The following GRM7 variants were observed in gnomAD, a reference collection of about 807,000 sequenced individuals.
The protein encoded by GRM7 is metabotropic glutamate receptor 7.
GRM7 carries 35 observed loss-of-function variants against 84.5 expected under a neutral mutation model. The observed-to-expected ratio is 0.41, with a 90% CI of 0.32 to 0.55. The LOEUF is 0.55. GRM7 is among the 20% of genes least tolerant of loss of function. The pLI is 0.19. For synonymous variants in GRM7, 487 were observed against 455.1 expected, an observed-to-expected ratio of 1.07 and a Z score of -0.89; for missense variants, 1,003 against 1,194.6, an observed-to-expected ratio of 0.84 and a Z score of 2.36.
intron 7 of GRM7, among the ~76,000 whole-genome samples, chr3:7,522,509 G>A (rs1700634364): frequency 6.6e-6 from 1 of 152,058 alleles, no homozygotes; most frequent in Admixed American, 6.6e-5. Flanking sequence ...CCAGAGGTCA[G>A]TTTATGCCTT....
intron 4 of GRM7, among the ~76,000 whole-genome samples, chr3:7,351,826 G>T (rs1215306520): frequency 1.3e-5 from 2 of 151,906 alleles, no homozygotes; most frequent in African/African-American, 2.4e-5. Flanking sequence ...GGGCTCTCAG[G>T]TCTTCAGCCT....
intron 2 of GRM7, among the ~76,000 whole-genome samples, chr3:7,206,032 A>G (rs1696227484): frequency 6.6e-6 from 1 of 152,112 alleles, no homozygotes; most frequent in South Asian, 2.1e-4. Context: ...ATATACACTA[A>G]AGTCTGATAT....
intron 2 of GRM7, among the ~76,000 whole-genome samples, chr3:7,202,117 C>A (rs1446820245): frequency 6.6e-6 from 1 of 151,914 alleles, no homozygotes; most frequent in Non-Finnish European, 1.5e-5. Flanking sequence ...CCAAAAAAGT[C>A]TATAGTCATC....
In GRM7 at chr3:7,298,727, C is replaced by T. The variant is rs1256153789; in HGVS notation, c.780C>T (p.Arg260=). 8 of 1,613,502 alleles carry T rather than the reference C, an allele frequency of 5.0e-6. No homozygotes were observed. The highest frequency in any genetic ancestry group is 6.8e-6 in the Non-Finnish European group (8 of 1,179,480). The change falls in exon 3 of 10, where the codon CGC becomes CGT. Residue 260 remains arginine, a synonymous_variant. Transcript: ENST00000357716. ...IAQSVRIPQE[R]KDRTIDFDRI... Reference sequence around the variant, plus strand: ...AGTCCGTGAGAATCCCCCAGGAACGCAAAGACAGGACCATTGACTTTGATA... The same window carrying T: ...AGTCCGTGAGAATCCCCCAGGAACGTAAAGACAGGACCATTGACTTTGATA...
chr3:7,546,656 AT>A (rs1447325890), intron 7 of GRM7, among the ~76,000 whole-genome samples: 2 of 152,178 alleles, frequency 1.3e-5, no homozygotes, highest in Non-Finnish European at 2.9e-5. Context: ...CTGACTTTGA[AT>A]TAGTCATATT....
intron 4 of GRM7, among the ~76,000 whole-genome samples, chr3:7,391,045 CT>C (rs898582858): frequency 1.4e-5 from 2 of 147,518 alleles, no homozygotes; most frequent in South Asian, 2.1e-4. Context: ...ATTTTTTTTT[CT>C]TTTTTTTTCC....
At chr3:7,247,338 G>A (rs149382500) in intron 2 of GRM7, among the ~76,000 whole-genome samples, 1 of 152,110 alleles carries the variant, frequency 6.6e-6, no homozygotes, top group African/African-American at 2.4e-5. Flanking sequence ...TTGAGAGGCC[G>A]AGGCACAAAG....
chr3:7,303,083 G>A (rs1381635326), intron 3 of GRM7, among the ~76,000 whole-genome samples: 2 of 151,994 alleles, frequency 1.3e-5, no homozygotes, highest in South Asian at 2.1e-4. Context: ...TGGGACTACA[G>A]GTGCCCGCCA....
rs138199545 is a variant in GRM7, at chr3:6,884,894, G to A, written c.519+22987G>A. Among the ~76,000 whole-genome samples, 93 of 152,150 alleles carry A rather than the reference G, an allele frequency of 6.1e-4. 1 individual carries two copies. The East Asian group carries it at 0.014, about 23-fold the overall frequency. On this transcript the variant is annotated intron_variant, in intron 1 of 9. Transcript: ENST00000357716. ...ATTACAGGCGTGAGCCACCGCGCCC[G>A]GCCAGACACAGTTTTCTTCATGTGA...
intron 1 of GRM7, among the ~76,000 whole-genome samples, chr3:7,059,047 A>G (rs900150811): frequency 6.6e-6 from 1 of 151,842 alleles, no homozygotes; most frequent in Non-Finnish European, 1.5e-5. Flanking sequence ...ACGCTAGCAG[A>G]TATTTAAGAA....
intron 1 of GRM7, among the ~76,000 whole-genome samples, chr3:7,010,162 T>C (rs2124892586): frequency 6.6e-6 from 1 of 152,226 alleles, no homozygotes; most frequent in African/African-American, 2.4e-5. Flanking sequence ...GCCGGGCCAG[T>C]AGCTCGGGAC....
chr3:7,708,000 C>CAG (rs1285859667), intron 9 of GRM7, among the ~76,000 whole-genome samples: 14 of 144,952 alleles, frequency 9.7e-5, no homozygotes, highest in African/African-American at 3.6e-4. Context: ...CTTCCAAACT[C>CAG]AGAGACTGAA....
intron 2 of GRM7, among the ~76,000 whole-genome samples, chr3:7,242,315 T>C (rs960114168): frequency 4.6e-5 from 7 of 152,202 alleles, no homozygotes; most frequent in African/African-American, 1.7e-4. Flanking sequence ...TGGTTGAGTG[T>C]AATGTAGCAA....
chr3:7,432,237 T>G (rs1432087895), intron 5 of GRM7, among the ~76,000 whole-genome samples: 1 of 152,222 alleles, frequency 6.6e-6, no homozygotes, highest in Admixed American at 6.5e-5. Flanking sequence ...TAATTAAAGC[T>G]GATAAAACGC....
chr3:7,390,333 G>T (rs1488206551), intron 4 of GRM7, among the ~76,000 whole-genome samples: 1 of 151,978 alleles, frequency 6.6e-6, no homozygotes, highest in East Asian at 1.9e-4. Context: ...GTGCCTTGGG[G>T]TTGATTGTCT....
chr3:7,018,260 CAACTA>C (rs1695648114), intron 1 of GRM7, among the ~76,000 whole-genome samples: 1 of 152,108 alleles, frequency 6.6e-6, no homozygotes, highest in African/African-American at 2.4e-5. Context: ...TTTTTAAACA[CAACTA>C]AACTCAGACT....
At chr3:6,868,889 A>G (rs962598571) in intron 1 of GRM7, among the ~76,000 whole-genome samples, 7 of 152,176 alleles carry the variant, frequency 4.6e-5, no homozygotes, top group Non-Finnish European at 1.0e-4. Flanking sequence ...GGTCATTTGC[A>G]GAATTCTCCA....
chr3:7,099,231 T>A (rs527371584), intron 1 of GRM7, among the ~76,000 whole-genome samples: 40 of 115,682 alleles, frequency 3.5e-4, no homozygotes, highest in African/African-American at 2.2e-3. Flanking sequence ...ATACATGTAT[T>A]ATACATGTAT....
chr3:7,034,595 TA>T (rs1485136715), intron 1 of GRM7, among the ~76,000 whole-genome samples: 14 of 152,344 alleles, frequency 9.2e-5, no homozygotes, highest in Non-Finnish European at 2.1e-4. Context: ...CAGACTCTAG[TA>T]GTCATGTAAT....
Sources: allele counts gnomAD v4.1 joint callset (sites outside exome capture counted in the v4.1 genomes callset), GRCh38; gene constraint gnomAD v4.1.1; transcripts MANE v1.5; gene names NCBI Gene and HGNC (gene_info 2026-07-23, HGNC 2026-07-21).